Variants in FGF18 observed in about 807,000 individuals in gnomAD.
FGF18 encodes the protein fibroblast growth factor 18.
Under a neutral mutation model 23.0 loss-of-function variants are expected in FGF18, and 5 were observed. That is an observed-to-expected ratio of 0.22 (90% CI 0.11 to 0.46). FGF18 has a LOEUF of 0.46. FGF18 is among the 20% of genes least tolerant of loss of function. The pLI, the probability that FGF18 is intolerant of heterozygous loss-of-function variation, is 0.99. For missense variants in FGF18, 180 were observed against 291.6 expected, an observed-to-expected ratio of 0.62 and a Z score of 2.79; for synonymous variants, 117 against 118.9, an observed-to-expected ratio of 0.98 and a Z score of 0.10.
At chr5:171,449,064 C>A in intron 3 of FGF18, 83 bp from the exon 4 acceptor site, 1 of 1,025,698 alleles carries the variant, frequency 9.7e-7, no homozygotes, top group South Asian at 1.3e-5. Flanking sequence ...AAGATAGGAC[C>A]AGGGACCATG....
chr5:171,425,873 A>G (rs543858267), intron 2 of FGF18, among the ~76,000 whole-genome samples: 1 of 152,318 alleles, frequency 6.6e-6, no homozygotes, highest in South Asian at 2.1e-4. Context: ...CCTCACAACC[A>G]GCCTGGAACT....
At position 171,434,361 on chromosome 5, in the gene FGF18, T is replaced by G. The variant is rs371403015; in HGVS notation, c.70-1732T>G. 2.0e-5 allele frequency among the ~76,000 whole-genome samples: 3 copies of G among 152,222 alleles called. No individual in the cohort carries two copies. The highest frequency in any genetic ancestry group is 6.5e-5 in the Admixed American group (1 of 15,284). On this transcript the variant is annotated intron_variant, in intron 2 of 4. Coordinates refer to ENST00000274625, the MANE Select transcript of FGF18 (RefSeq NM_003862.3). The surrounding 1 kb of genome is among the most constrained non-coding windows in gnomAD (Gnocchi z 4.6). ...GCCCAGTCCAGGATCGGGAGATACA[T>G]GCAGGTCAGCTTGGGGACAGAGATC...
intron 1 of FGF18, 73 bp downstream of exon 1, chr5:171,420,304 C>G: frequency 6.2e-7 from 1 of 1,607,626 alleles, no homozygotes; most frequent in East Asian, 2.2e-5. Context: ...GTACCTCTGT[C>G]TGCCCGCCCG....
At chr5:171,425,423 G>T (rs1772075248) in intron 2 of FGF18, among the ~76,000 whole-genome samples, 1 of 151,848 alleles carries the variant, frequency 6.6e-6, no homozygotes, top group South Asian at 2.1e-4. Flanking sequence ...GTTTCACCAT[G>T]TTGGCCAGGC....
intron 3 of FGF18, among the ~76,000 whole-genome samples, chr5:171,444,764 GAA>G (rs1772393726): frequency 6.6e-6 from 1 of 152,158 alleles, no homozygotes; most frequent in African/African-American, 2.4e-5. Context: ...TCACCTCCCT[GAA>G]TTTCATTTTC....
At chr5:171,427,778 G>A (rs112159685) in intron 2 of FGF18, among the ~76,000 whole-genome samples, 4,595 of 152,298 alleles carry the variant, frequency 0.03, 111 homozygotes, top group Non-Finnish European at 0.047. Context: ...GAGATGGCAC[G>A]TACTTCGAGA....
chr5:171,427,150 T>C (rs1231656318), intron 2 of FGF18, among the ~76,000 whole-genome samples: 2 of 148,260 alleles, frequency 1.3e-5, no homozygotes, highest in Non-Finnish European at 3.0e-5. Context: ...GAGGTTGCGG[T>C]GAGCCAAGAT....
At chr5:171,427,274 C>T (rs1036419282) in intron 2 of FGF18, among the ~76,000 whole-genome samples, 1 of 151,966 alleles carries the variant, frequency 6.6e-6, no homozygotes, top group Admixed American at 6.6e-5. Context: ...GGATATTGCA[C>T]ACAGAGTAGC....
chr5:171,428,059 C>T (rs1458358377), intron 2 of FGF18, among the ~76,000 whole-genome samples: 1 of 152,184 alleles, frequency 6.6e-6, no homozygotes, highest in African/African-American at 2.4e-5. Context: ...GCGCCTGGCT[C>T]ATGATAAGTG....
rs1436881632 is a variant in FGF18 at position 171,451,127 on chromosome 5, C to T, written c.357+1874C>T. ...TCACCGCTTCCACAGGAGCCGGCTC[C>T]GATTTCCTGCCCCCTCGCCCTCTCT... On this transcript the variant is annotated intron_variant, in intron 4 of 4. Transcript: ENST00000274625. This position sits in a 1 kb window ranked among gnomAD's most constrained non-coding sequence, Gnocchi z 4.5. 2.0e-5 allele frequency among the ~76,000 whole-genome samples: 3 copies of T among 151,750 alleles called. No homozygotes were observed. In the East Asian group the frequency reaches 5.9e-4, roughly 30 times the overall value.
At chr5:171,435,662 CCT>C (rs1772234204) in intron 2 of FGF18, among the ~76,000 whole-genome samples, 1 of 152,096 alleles carries the variant, frequency 6.6e-6, no homozygotes, top group Admixed American at 6.5e-5. Flanking sequence ...CGTTCCATCC[CCT>C]CTCGTTCCTC....
At chr5:171,431,603 G>C (rs1035931628) in intron 2 of FGF18, among the ~76,000 whole-genome samples, 1 of 152,132 alleles carries the variant, frequency 6.6e-6, no homozygotes, top group African/African-American at 2.4e-5. Context: ...GGACAGTTGG[G>C]ATCTTAGGCT....
chr5:171,448,870 AT>A (rs1303199082), intron 3 of FGF18, among the ~76,000 whole-genome samples: 1 of 152,124 alleles, frequency 6.6e-6, no homozygotes, highest in Non-Finnish European at 1.5e-5. Context: ...GGCTGGAGCC[AT>A]CTGGATCCCA....
At chr5:171,424,923 G>T (rs1772069191) in intron 2 of FGF18, among the ~76,000 whole-genome samples, 1 of 152,222 alleles carries the variant, frequency 6.6e-6, no homozygotes, top group African/African-American at 2.4e-5. Context: ...CACCCGCTCT[G>T]AGATAAGGAG....
At chr5:171,422,987 T>C (rs536271621) in intron 2 of FGF18, among the ~76,000 whole-genome samples, 73 of 152,270 alleles carry the variant, frequency 4.8e-4, no homozygotes, top group African/African-American at 1.2e-3. Context: ...GGAAGGCACA[T>C]TGTGGCTGCT....
In FGF18 at chr5:171,440,953, C is replaced by T. The variant is rs955557492; in HGVS notation, c.250+4680C>T. ...GGGAGTGACTTTGTCTTGCTCTTTG[C>T]CATGTCTCCATGTCCAGCACAAGGC... is the stretch of plus-strand genomic sequence containing the variant. On this transcript the variant is annotated intron_variant, in intron 3 of 4. Transcript: ENST00000274625. This position sits in a 1 kb window ranked among gnomAD's most constrained non-coding sequence, Gnocchi z 4.0. Among the ~76,000 whole-genome samples, 1 of 152,198 alleles carries T rather than the reference C, an allele frequency of 6.6e-6. No individual in the cohort carries two copies.
Position 171,419,956 on chromosome 5 carries a change from C to G in FGF18, c.-244C>G, listed in dbSNP as rs1771974731. The G allele has an allele frequency of 6.0e-6, 1 of 167,186 alleles. No individual in the cohort carries two copies. The highest frequency in any genetic ancestry group is 1.3e-5 in the Non-Finnish European group (1 of 78,668). The allele number at this position is 167,186 out of a possible 1,614,324, so 10.4% of individuals were successfully genotyped here. ...CGCCTCCTGCACAGCGGCTGCCGCC[C>G]CGCAGCCCCTGCGCCAGCCCGGAGG... On this transcript the variant is annotated 5_prime_UTR_variant, in exon 1 of 5. Transcript: ENST00000274625.
rs1772579118 is a variant in FGF18 at position 171,456,312 on chromosome 5, C to A, written c.358-227C>A. On this transcript the variant is annotated intron_variant, in intron 4 of 4. Coordinates refer to ENST00000274625, the MANE Select transcript of FGF18 (RefSeq NM_003862.3). This position sits in a 1 kb window ranked among gnomAD's most constrained non-coding sequence, Gnocchi z 6.1. ...GGCTTTAGCCAGAATCCCCTACACC[C>A]TCGATGTTTCCTCTTAGTCATTTTC... Among the ~76,000 whole-genome samples the A allele has an allele frequency of 6.6e-6, 1 of 152,178 alleles. No homozygotes were observed. The highest frequency in any genetic ancestry group is 1.5e-5 in the Non-Finnish European group (1 of 68,034).
intron 2 of FGF18, among the ~76,000 whole-genome samples, chr5:171,427,189 A>G (rs1391340144): frequency 6.6e-6 from 1 of 151,142 alleles, no homozygotes; most frequent in African/African-American, 2.4e-5. Context: ...CCTGGGCAAG[A>G]GCGACGCTCC....
Sources: gnomAD v4.1 joint callset for allele counts (sites outside exome capture counted in the v4.1 genomes callset) on GRCh38, gnomAD v4.1.1 for gene constraint, Gnocchi (gnomAD v3.1) non-coding constraint, MANE v1.5 for transcripts, NCBI Gene and HGNC (gene_info 2026-07-23, HGNC 2026-07-21) for gene names.